PSD3: variants seen among roughly 807,000 people sequenced by gnomAD.
The protein encoded by PSD3 is pleckstrin and Sec7 domain containing 3.
Under a neutral mutation model 105.5 loss-of-function variants are expected in PSD3, and 49 were observed. The observed-to-expected ratio is 0.46, with a 90% CI of 0.37 to 0.59. The LOEUF (loss-of-function observed/expected upper bound fraction) is 0.59. Ranked by LOEUF, PSD3 falls within the 20% of genes least tolerant of loss-of-function variation. PSD3 has a pLI of 0.00. For missense variants in PSD3, 1,561 were observed against 1,263.8 expected (o/e 1.24, Z -3.57); for synonymous variants, 557 against 457.8 (o/e 1.22, Z -2.77).
chr8:18,601,687 A>C (rs1441620862), intron 11 of PSD3, among the ~76,000 whole-genome samples: 1 of 152,228 alleles, frequency 6.6e-6, no homozygotes, highest in Non-Finnish European at 1.5e-5. Context: ...AAAAATACAT[A>C]TAACCAAAAA....
intron 1 of PSD3, among the ~76,000 whole-genome samples, chr8:19,040,671 T>C (rs547027743): frequency 6.6e-6 from 1 of 152,278 alleles, no homozygotes; most frequent in African/African-American, 2.4e-5. Context: ...CGATTCAGAA[T>C]CTGCTGCAAT....
At chr8:19,001,363 G>A (rs902934424) in intron 1 of PSD3, among the ~76,000 whole-genome samples, 12 of 151,400 alleles carry the variant, frequency 7.9e-5, no homozygotes, top group Non-Finnish European at 1.5e-4. Context: ...TAAGCTGAAG[G>A]TGAGGAAATT....
At chr8:18,595,503 A>AG (rs965505803) in intron 12 of PSD3, among the ~76,000 whole-genome samples, 14 of 9,928 alleles carry the variant, frequency 1.4e-3, no homozygotes, top group Non-Finnish European at 2.6e-3. Flanking sequence ...AGAGAGAGAG[A>AG]AAAAAAAACC....
At chr8:18,839,172 C>G (rs1014824084) in intron 4 of PSD3, among the ~76,000 whole-genome samples, 25 of 152,030 alleles carry the variant, frequency 1.6e-4, no homozygotes, top group Non-Finnish European at 1.9e-4. Context: ...TCCCAGGATC[C>G]TAACTTGAGC....
intron 9 of PSD3, among the ~76,000 whole-genome samples, chr8:18,740,168 TTC>T (rs1804453505): frequency 6.6e-6 from 1 of 152,138 alleles, no homozygotes; most frequent in Non-Finnish European, 1.5e-5. Flanking sequence ...CTTTCCTGTC[TTC>T]TGTTCCCAGG....
intron 1 of PSD3, among the ~76,000 whole-genome samples, chr8:19,072,043 T>C (rs1371994256): frequency 6.6e-6 from 1 of 151,666 alleles, no homozygotes; most frequent in Non-Finnish European, 1.5e-5. Context: ...TAGAGGACCC[T>C]GATGCACATA....
intron 1 of PSD3, among the ~76,000 whole-genome samples, chr8:18,966,565 TC>T (rs1350588878): frequency 0.027 from 2,480 of 90,722 alleles, 32 homozygotes; most frequent in Non-Finnish European, 0.044. Context: ...AGAGAGACTG[TC>T]TTAAAAAAAA....
intron 1 of PSD3, among the ~76,000 whole-genome samples, chr8:18,948,772 G>C (rs1823017455): frequency 6.6e-6 from 1 of 152,100 alleles, no homozygotes; most frequent in African/African-American, 2.4e-5. Context: ...CTGAAACAAA[G>C]TGAAATCCAC....
intron 4 of PSD3, among the ~76,000 whole-genome samples, chr8:18,807,781 A>G (rs1050380915): frequency 6.6e-6 from 1 of 152,080 alleles, no homozygotes; most frequent in African/African-American, 2.4e-5. Flanking sequence ...TAAATGCATG[A>G]TTTTTTCATC....
chr8:19,002,420 G>A (rs1363175151), intron 1 of PSD3, among the ~76,000 whole-genome samples: 1 of 151,836 alleles, frequency 6.6e-6, no homozygotes, highest in Non-Finnish European at 1.5e-5. Context: ...ACCTTGATGA[G>A]GTATACTTTT....
intron 1 of PSD3, chr8:19,002,080 C>T (rs557483527): frequency 3.9e-5 from 6 of 153,384 alleles, no homozygotes; most frequent in African/African-American, 1.4e-4. Flanking sequence ...TCCTCTCTCA[C>T]TAACTGATCA....
At chr8:18,584,983 G>A (rs1478465912) in intron 12 of PSD3, among the ~76,000 whole-genome samples, 1 of 152,134 alleles carries the variant, frequency 6.6e-6, no homozygotes, top group African/African-American at 2.4e-5. Flanking sequence ...GTATGTAGAA[G>A]TCATGTCATA....
chr8:18,799,596 T>C (rs905486139), intron 7 of PSD3, among the ~76,000 whole-genome samples: 1 of 152,198 alleles, frequency 6.6e-6, no homozygotes, highest in Non-Finnish European at 1.5e-5. Context: ...TGGTAGTAGA[T>C]ATGTAAAGCC....
At chr8:18,768,033 G>C (rs1467325559) in intron 8 of PSD3, among the ~76,000 whole-genome samples, 4 of 149,868 alleles carry the variant, frequency 2.7e-5, no homozygotes, top group Non-Finnish European at 4.4e-5. Flanking sequence ...CACTTTGGGA[G>C]GCCGAGACAG....
At chr8:18,817,580 C>T (rs1812318014) in intron 4 of PSD3, among the ~76,000 whole-genome samples, 1 of 152,222 alleles carries the variant, frequency 6.6e-6, no homozygotes, top group Admixed American at 6.5e-5. Flanking sequence ...AAAAGTCAAA[C>T]AACTGTGTAC....
intron 2 of PSD3, among the ~76,000 whole-genome samples, chr8:18,893,517 A>C (rs1209807106): frequency 6.6e-6 from 1 of 152,116 alleles, no homozygotes; most frequent in Non-Finnish European, 1.5e-5. Flanking sequence ...TTTCAGTATA[A>C]GATTTTCTTC....
At chr8:18,601,423 T>C (rs2717738) in intron 11 of PSD3, among the ~76,000 whole-genome samples, 2,874 of 152,312 alleles carry the variant, frequency 0.019, 102 homozygotes, top group African/African-American at 0.065. Flanking sequence ...GTCTTTAACC[T>C]GGATACCTGA....
chr8:19,031,480 C>T (rs185016492), intron 1 of PSD3, among the ~76,000 whole-genome samples: 55 of 144,086 alleles, frequency 3.8e-4, no homozygotes, highest in African/African-American at 1.2e-3. Context: ...GAGTACTATA[C>T]GGTAAATGCA....
intron 1 of PSD3, among the ~76,000 whole-genome samples, chr8:19,044,735 T>C (rs1265569527): frequency 1.3e-5 from 2 of 152,172 alleles, no homozygotes; most frequent in Admixed American, 1.3e-4. Context: ...ACTATGGAAG[T>C]GCTATGAGAA....
Sources: gnomAD v4.1 joint callset for allele counts (sites outside exome capture counted in the v4.1 genomes callset) on GRCh38, gnomAD v4.1.1 for gene constraint, MANE v1.5 for transcripts, NCBI Gene and HGNC (gene_info 2026-07-23, HGNC 2026-07-21) for gene names.